The following ENPP2 variants were observed in gnomAD, a reference collection of about 807,000 sequenced individuals.
ENPP2 encodes autotaxin.
Under a neutral mutation model 120.2 loss-of-function variants are expected in ENPP2, and 51 were observed. The ratio of observed to expected loss-of-function variants is 0.42; its 90% CI spans 0.34 to 0.54. The LOEUF is 0.54. Among genes scored for constraint, ENPP2 ranks in the 20% least tolerant of loss-of-function variants. The probability of loss-of-function intolerance (pLI) is 0.04; values close to 1 mark genes in which losing one functional copy is unlikely to be tolerated. For missense variants in ENPP2, 920 were observed against 1,066.5 expected (o/e 0.86, Z 1.91); for synonymous variants, 365 against 366.4 (o/e 1.00, Z 0.04).
At chr8:119,670,852 T>C (rs1291305445) in intron 1 of ENPP2, among the ~76,000 whole-genome samples, 1 of 152,098 alleles carries the variant, frequency 6.6e-6, no homozygotes, top group Non-Finnish European at 1.5e-5. Context: ...AGTAGTAAGA[T>C]ATAACAATGA....
At chr8:119,560,099 C>T (rs902541629) in intron 24 of ENPP2, among the ~76,000 whole-genome samples, 4 of 152,148 alleles carry the variant, frequency 2.6e-5, no homozygotes, top group Non-Finnish European at 5.9e-5. Flanking sequence ...CTCCCCATCA[C>T]CAAATTCCTC....
chr8:119,580,127 C>G lies in ENPP2; in HGVS notation c.1769G>C (p.Gly590Ala). 1 of 1,613,110 alleles carries G rather than the reference C, an allele frequency of 6.2e-7. No individual in the cohort carries two copies. The highest frequency in any genetic ancestry group is 8.5e-7 in the Non-Finnish European group (1 of 1,179,108). ...CAACCACCCCTTACCTTCTGTAGAC[C>G]CTTTTGTATGAAGCCGTTTGTTGAG... Reference protein sequence around the residue: ...DELNKRLHTKGSTEERHLLYG... With the variant: ...DELNKRLHTKASTEERHLLYG... Residue 590 changes from glycine to alanine, a missense_variant, in exon 19 of 25, where the codon GGG (glycine) becomes GCG (alanine). Transcript: ENST00000075322.
intron 9 of ENPP2, 31 bp from the exon 10 acceptor site, chr8:119,601,493 T>C: frequency 6.3e-7 from 1 of 1,587,680 alleles, no homozygotes; most frequent in Non-Finnish European, 8.6e-7. Flanking sequence ...AAGCATGTTG[T>C]TAGGTTTCAT....
At chr8:119,616,077 G>GAT (rs538169140) in intron 8 of ENPP2, among the ~76,000 whole-genome samples, 188 bp downstream of exon 8, 9 of 151,140 alleles carry the variant, frequency 6.0e-5, no homozygotes, top group African/African-American at 1.2e-4. Flanking sequence ...ACATATTTCA[G>GAT]ATATATATAT....
chr8:119,589,639 A>G (rs934986904), intron 13 of ENPP2, among the ~76,000 whole-genome samples: 3 of 152,130 alleles, frequency 2.0e-5, no homozygotes, highest in African/African-American at 4.8e-5. Context: ...CATTTTGTTT[A>G]TTTCACAACA....
intron 23 of ENPP2, among the ~76,000 whole-genome samples, chr8:119,563,247 G>A (rs1167824461): frequency 6.6e-6 from 1 of 152,162 alleles, no homozygotes; most frequent in East Asian, 1.9e-4. Flanking sequence ...TCCAGGCAAA[G>A]AAAATGGATT....
chr8:119,575,156 G>T (rs1812244812), intron 19 of ENPP2, among the ~76,000 whole-genome samples: 1 of 152,092 alleles, frequency 6.6e-6, no homozygotes, highest in Non-Finnish European at 1.5e-5. Flanking sequence ...GGTACACTGG[G>T]CAGGTCAGTA....
chr8:119,634,191 A>AATAAATAC (rs1554623497), intron 2 of ENPP2, among the ~76,000 whole-genome samples: 4 of 147,608 alleles, frequency 2.7e-5, no homozygotes, highest in Non-Finnish European at 4.5e-5. Flanking sequence ...TCAAAAAATA[A>AATAAATAC]ATACATACAT....
At chr8:119,577,406 T>C (rs1247038735) in intron 19 of ENPP2, among the ~76,000 whole-genome samples, 2 of 152,218 alleles carry the variant, frequency 1.3e-5, no homozygotes, top group East Asian at 1.9e-4. Flanking sequence ...AGGCCAAATT[T>C]ATGACACAGG....
At position 119,562,919 on chromosome 8, in the gene ENPP2, C is replaced by T. The variant is rs767656393; in HGVS notation, c.2359G>A (p.Gly787Ser). ...ATGAAGGAGGACACAGAGAGAGGGC[C>T]GTCACACTTGTCGGCAGGCTGAGTG... ...DFTQPADKCDGPLSVSSFILP... is the reference protein window; with the variant it reads ...DFTQPADKCDSPLSVSSFILP... The change falls in exon 24 of 25, where the codon GGC (glycine) becomes AGC (serine). Residue 787 changes from glycine to serine, a missense_variant. By Grantham distance (56) the Gly-to-Ser change is moderately conservative. Transcript: ENST00000075322. 5.6e-6 allele frequency: 9 copies of T among 1,613,990 alleles called. No homozygotes were observed. The highest frequency in any genetic ancestry group is 1.7e-5 in the Admixed American group (1 of 59,990).
rs140416442 is a variant in ENPP2, at chr8:119,614,302, T to A, written c.777+1963A>T. 7.8e-3 allele frequency among the ~76,000 whole-genome samples: 1,188 copies of A among 152,070 alleles called. 9 individuals carry two copies. Among genetic ancestry groups the A allele is most frequent in the Non-Finnish European group, 0.013 (914 of 67,958 alleles). On this transcript the variant is annotated intron_variant, in intron 8 of 24. Coordinates refer to ENST00000075322, the MANE Select transcript of ENPP2 (RefSeq NM_001040092.3). ...GGCTGGTCTCAAACTCCTGACCTCA[T>A]GATCCACCCACCTCAGCCTCCCAAA... is the stretch of plus-strand genomic sequence containing the variant.
intron 18 of ENPP2, chr8:119,580,884 T>C (rs1458479336): frequency 1.3e-5 from 2 of 152,320 alleles, no homozygotes; most frequent in South Asian, 2.1e-4. Flanking sequence ...TATAGTATAA[T>C]AGCATTTATT....
chr8:119,581,377 G>A (rs1812724266), intron 18 of ENPP2, among the ~76,000 whole-genome samples: 1 of 152,012 alleles, frequency 6.6e-6, no homozygotes, highest in South Asian at 2.1e-4. Flanking sequence ...TCTGTGGCCT[G>A]GGAGGCTGAC....
intron 8 of ENPP2, among the ~76,000 whole-genome samples, chr8:119,610,995 G>A (rs1181846190): frequency 6.6e-6 from 1 of 151,872 alleles, no homozygotes; most frequent in African/African-American, 2.4e-5. Context: ...TCCCTGCATT[G>A]CTTTCCTTTA....
intron 19 of ENPP2, among the ~76,000 whole-genome samples, chr8:119,575,100 T>A (rs557344559): frequency 6.6e-5 from 10 of 152,338 alleles, no homozygotes; most frequent in African/African-American, 2.2e-4. Context: ...ATATTTTTTT[T>A]AAATCTTGGC....
intron 1 of ENPP2, among the ~76,000 whole-genome samples, chr8:119,648,165 A>C (rs1161328998): frequency 6.6e-6 from 1 of 152,210 alleles, no homozygotes; most frequent in Non-Finnish European, 1.5e-5. Flanking sequence ...GTAATAATGC[A>C]TGTTAAGCAA....
At chr8:119,607,807 T>G (rs958572508) in intron 9 of ENPP2, 115 bp downstream of exon 9, 6 of 677,762 alleles carry the variant, frequency 8.9e-6, no homozygotes, top group Non-Finnish European at 1.5e-5. Flanking sequence ...TAGTAAATAT[T>G]CAAAAGTTCT....
intron 9 of ENPP2, 97 bp from the exon 10 acceptor site, chr8:119,601,559 C>A: frequency 2.6e-6 from 2 of 777,622 alleles, no homozygotes; most frequent in Non-Finnish European, 4.5e-6. Context: ...CAAATGCTCT[C>A]TATTTACCAC....
At chr8:119,624,264 C>G (rs1471877549) in intron 3 of ENPP2, among the ~76,000 whole-genome samples, 2 of 151,972 alleles carry the variant, frequency 1.3e-5, no homozygotes, top group Non-Finnish European at 1.5e-5. Context: ...AAGGACAAGT[C>G]AGTCATCTGT....
Sources: gnomAD v4.1 joint callset for allele counts (sites outside exome capture counted in the v4.1 genomes callset) on GRCh38, gnomAD v4.1.1 for gene constraint, MANE v1.5 for transcripts, NCBI Gene and HGNC (gene_info 2026-07-23, HGNC 2026-07-21) for gene names.